CNTNAP2: variants seen among roughly 807,000 people sequenced by gnomAD.
CNTNAP2 encodes contactin-associated protein-like 2.
Under a neutral mutation model 155.2 loss-of-function variants are expected in CNTNAP2, and 98 were observed. The observed-to-expected ratio is 0.63, with a 90% CI of 0.54 to 0.75. CNTNAP2 has a LOEUF of 0.75. Ranked by LOEUF, CNTNAP2 falls within the 30% of genes least tolerant of loss-of-function variation. The pLI, the probability that CNTNAP2 is intolerant of heterozygous loss-of-function variation, is 0.00. For synonymous variants in CNTNAP2, 651 were observed against 631.2 expected (o/e 1.03, Z -0.47); for missense variants, 1,727 against 1,688.1 (o/e 1.02, Z -0.40).
In CNTNAP2 at chr7:147,630,247, C is replaced by T. The variant is rs188915619; in HGVS notation, c.1898-8859C>T. On this transcript the variant is annotated intron_variant, in intron 12 of 23. Coordinates refer to ENST00000361727, the MANE Select transcript of CNTNAP2 (RefSeq NM_014141.6). Reference sequence around the variant, plus strand: ...AAATTCCTGGAAATATACAACCTTCCTAGATTAAATCAGGAAGAAATAGAG... The same window carrying T: ...AAATTCCTGGAAATATACAACCTTCTTAGATTAAATCAGGAAGAAATAGAG... Among the ~76,000 whole-genome samples the T allele has an allele frequency of 3.9e-4, 57 of 144,450 alleles. 2 individuals carry two copies. Among genetic ancestry groups the T allele is most frequent in the Middle Eastern group, 7.5e-3 (2 of 266 alleles). The allele number at this position is 144,450 out of a possible 152,430, so 94.8% of individuals were successfully genotyped here.
intron 1 of CNTNAP2, among the ~76,000 whole-genome samples, chr7:146,702,101 T>C (rs1293460498): frequency 6.6e-6 from 1 of 152,194 alleles, no homozygotes; most frequent in Non-Finnish European, 1.5e-5. Context: ...CAGATGTTTC[T>C]ATTTGACATC....
chr7:147,244,416 G>T (rs1438705390), intron 8 of CNTNAP2, among the ~76,000 whole-genome samples: 2 of 152,118 alleles, frequency 1.3e-5, no homozygotes, highest in Non-Finnish European at 2.9e-5. Flanking sequence ...GTTAGTTTTT[G>T]TCTCCAAAAT....
chr7:148,364,064 C>G (rs1437681934), intron 21 of CNTNAP2, among the ~76,000 whole-genome samples: 2 of 152,244 alleles, frequency 1.3e-5, no homozygotes, highest in Non-Finnish European at 2.9e-5. Context: ...GGCTCGGGAC[C>G]TGCAGCCCGC....
rs1253197760 is a variant in CNTNAP2, at chr7:148,378,738, G to T, written c.3476-4911G>T. ...AAACTCAGCACTGTTGCCCACCGAA[G>T]CATCCAGGTCTGAGGTCTGACCTCT... On this transcript the variant is annotated intron_variant, in intron 21 of 23. Transcript: ENST00000361727. Among the ~76,000 whole-genome samples, 2 of 66,878 alleles carry T rather than the reference G, an allele frequency of 3.0e-5. 1 individual carries two copies. The highest frequency in any genetic ancestry group is 7.4e-5 in the African/African-American group (2 of 27,194). 43.9% of individuals were successfully genotyped at this position (66,878 alleles called of 152,430 possible). A position where few individuals can be genotyped will look rare whatever the true frequency, so the allele number is the denominator to read the frequency against.
At chr7:146,740,451 C>T (rs1417514802) in intron 1 of CNTNAP2, among the ~76,000 whole-genome samples, 1 of 151,932 alleles carries the variant, frequency 6.6e-6, no homozygotes, top group Admixed American at 6.6e-5. Flanking sequence ...ATTGCTATTT[C>T]TGTATGATGT....
chr7:146,984,239 C>T (rs371292664), intron 3 of CNTNAP2, among the ~76,000 whole-genome samples: 6 of 151,682 alleles, frequency 4.0e-5, no homozygotes, highest in East Asian at 1.9e-4. Context: ...TGGTGGGACA[C>T]GCCTGTAATC....
intron 10 of CNTNAP2, among the ~76,000 whole-genome samples, chr7:147,434,759 C>G (rs967475565): frequency 6.6e-6 from 1 of 152,204 alleles, no homozygotes; most frequent in African/African-American, 2.4e-5. Context: ...GCACCTGCTC[C>G]TCTTGGAAGT....
chr7:148,142,797 A>G (rs2116646142), intron 16 of CNTNAP2, among the ~76,000 whole-genome samples: 1 of 152,260 alleles, frequency 6.6e-6, no homozygotes, highest in South Asian at 2.1e-4. Context: ...TCAATATACT[A>G]AGCTTGGAGT....
chr7:147,747,229 A>G (rs1444917690), intron 13 of CNTNAP2, among the ~76,000 whole-genome samples: 3 of 152,090 alleles, frequency 2.0e-5, no homozygotes, highest in African/African-American at 4.8e-5. Context: ...TCCTCCTTCA[A>G]TCATGTCCTC....
rs1799346949 is a variant in CNTNAP2, at chr7:147,045,865, C to G, written c.550+1811C>G. Reference sequence around the variant, plus strand: ...ACACACACATATACATACACACACACACATATACGTGCATATATATATATA... The same window carrying G: ...ACACACACATATACATACACACACAGACATATACGTGCATATATATATATA... On this transcript the variant is annotated intron_variant, in intron 4 of 23. Coordinates refer to ENST00000361727, the MANE Select transcript of CNTNAP2 (RefSeq NM_014141.6). 2.0e-5 allele frequency among the ~76,000 whole-genome samples: 3 copies of G among 151,918 alleles called. No homozygotes were observed. The East Asian group carries it at 5.8e-4, about 29-fold the overall frequency.
intron 10 of CNTNAP2, among the ~76,000 whole-genome samples, chr7:147,396,105 A>G (rs1796809966): frequency 6.8e-6 from 1 of 148,010 alleles, no homozygotes; most frequent in Non-Finnish European, 1.5e-5. Flanking sequence ...ATATGTATAT[A>G]TAGCATATAT....
At chr7:146,908,313 T>C (rs1796190794) in intron 3 of CNTNAP2, among the ~76,000 whole-genome samples, 1 of 149,810 alleles carries the variant, frequency 6.7e-6, no homozygotes, top group Non-Finnish European at 1.5e-5. Flanking sequence ...AATAGACATC[T>C]ACAGAACTCT....
intron 11 of CNTNAP2, among the ~76,000 whole-genome samples, chr7:147,561,850 G>T (rs2116788591): frequency 6.6e-6 from 1 of 152,226 alleles, no homozygotes; most frequent in South Asian, 2.1e-4. Flanking sequence ...TGTTTTCAAT[G>T]ATCATGAGCC....
intron 1 of CNTNAP2, among the ~76,000 whole-genome samples, chr7:146,374,099 G>T (rs1795273570): frequency 6.6e-6 from 1 of 151,970 alleles, no homozygotes; most frequent in Admixed American, 6.6e-5. Flanking sequence ...AGACAAAAAA[G>T]ATAATGGTTA....
At chr7:146,270,582 A>T (rs899180899) in intron 1 of CNTNAP2, among the ~76,000 whole-genome samples, 1 of 152,180 alleles carries the variant, frequency 6.6e-6, no homozygotes. Flanking sequence ...CTTTTAAACA[A>T]TTTTAATATT....
intron 16 of CNTNAP2, among the ~76,000 whole-genome samples, chr7:148,121,118 T>A (rs1206536828): frequency 6.6e-6 from 1 of 152,126 alleles, no homozygotes; most frequent in Non-Finnish European, 1.5e-5. Flanking sequence ...CACTGCAACC[T>A]CTGCCTCCCA....
intron 13 of CNTNAP2, among the ~76,000 whole-genome samples, chr7:147,685,191 C>T (rs1796000122): frequency 6.6e-6 from 1 of 151,972 alleles, no homozygotes; most frequent in Non-Finnish European, 1.5e-5. Flanking sequence ...TATTTGAACA[C>T]CAAAATCAGC....
chr7:147,985,840 C>T (rs184913277), intron 15 of CNTNAP2, among the ~76,000 whole-genome samples: 2 of 152,244 alleles, frequency 1.3e-5, no homozygotes, highest in East Asian at 3.9e-4. Context: ...TGGCCTGAAA[C>T]TCAGCTTCTG....
At chr7:148,303,434 C>T (rs12704006) in intron 21 of CNTNAP2, among the ~76,000 whole-genome samples, 91,653 of 151,988 alleles carry the variant, frequency 0.6, 29,482 homozygotes, top group East Asian at 0.75. Flanking sequence ...GGCGCATCCT[C>T]TCTTAGGAGC....
Sources: allele counts gnomAD v4.1 joint callset (sites outside exome capture counted in the v4.1 genomes callset), GRCh38; gene constraint gnomAD v4.1.1; transcripts MANE v1.5; gene names NCBI Gene and HGNC (gene_info 2026-07-23, HGNC 2026-07-21).